CFAP43: variants seen among roughly 807,000 people sequenced by gnomAD.
The protein encoded by CFAP43 is cilia and flagella associated protein 43, also known as cilia- and flagella-associated protein 43.
CFAP43 carries 155 observed loss-of-function variants against 218.9 expected under a neutral mutation model. The ratio of observed to expected loss-of-function variants is 0.71; its 90% CI spans 0.62 to 0.81. The LOEUF (loss-of-function observed/expected upper bound fraction) is 0.81, where lower values mean the gene tolerates loss of function less well. CFAP43 is among the 30% of genes least tolerant of loss of function. CFAP43 has a pLI of 0.00. For synonymous variants in CFAP43, 645 were observed against 681.3 expected, an observed-to-expected ratio of 0.95 and a Z score of 0.83; for missense variants, 1,778 against 1,954.3, an observed-to-expected ratio of 0.91 and a Z score of 1.70.
intron 34 of CFAP43, among the ~76,000 whole-genome samples, chr10:104,136,282 G>GAAA (rs1271704173): frequency 7.7e-6 from 1 of 129,346 alleles, no homozygotes; most frequent in African/African-American, 2.8e-5. Flanking sequence ...AAAAAAAGAA[G>GAAA]AAAAGAAAAG....
At chr10:104,178,124 T>C (rs2089695575) in intron 19 of CFAP43, among the ~76,000 whole-genome samples, 1 of 151,698 alleles carries the variant, frequency 6.6e-6, no homozygotes, top group South Asian at 2.1e-4. Context: ...ACAAAGAAAA[T>C]CACGTGGGAC....
At chr10:104,168,243 T>C (rs17116616) in intron 21 of CFAP43, among the ~76,000 whole-genome samples, 21,080 of 152,106 alleles carry the variant, frequency 0.14, 1,806 homozygotes, top group African/African-American at 0.24. Flanking sequence ...TTGTCCACAT[T>C]GGGAGCATAT....
At position 104,162,317 on chromosome 10, in the gene CFAP43, C is replaced by T. The variant is rs775766672; in HGVS notation, c.3333G>A (p.Gln1111=). 1.9e-6 allele frequency: 3 copies of T among 1,613,610 alleles called. No homozygotes were observed. The highest frequency in any genetic ancestry group is 1.1e-5 in the South Asian group (1 of 91,060). The change falls in exon 25 of 38, where the codon CAG becomes CAA. Residue 1111 remains glutamine (Q), a splice_region_variant and synonymous_variant. Transcript: ENST00000357060. ...ACCTGTGTTAAGCAAAGCTACATGC[C>T]TGTATCAGAAGCCAGTGCTCCTTTT... ...NHEKEHWLLI[Q]DASTRLRALM...
intron 15 of CFAP43, 125 bp from the exon 16 acceptor site, chr10:104,185,271 T>C (rs1438312298): frequency 1.5e-6 from 2 of 1,297,872 alleles, no homozygotes; most frequent in African/African-American, 3.0e-5. Context: ...GCATTTTAAT[T>C]GGTATGGAAG....
At chr10:104,198,066 A>C (rs1225055513) in intron 8 of CFAP43, 28 bp from the exon 9 acceptor site, 4 of 1,346,900 alleles carry the variant, frequency 3.0e-6, no homozygotes, top group Non-Finnish European at 4.2e-6. Context: ...GAAAAGAAAC[A>C]CATTGTAATT....
chr10:104,192,126 A>G (rs1381079355), intron 12 of CFAP43, 73 bp downstream of exon 12: 2 of 1,174,346 alleles, frequency 1.7e-6, no homozygotes, highest in Non-Finnish European at 2.4e-6. Context: ...TTCAATATGA[A>G]AAGTCCATTT....
At chr10:104,196,709 A>G in intron 10 of CFAP43, 144 bp downstream of exon 10, 1 of 611,322 alleles carries the variant, frequency 1.6e-6, no homozygotes, top group Non-Finnish European at 2.8e-6. Flanking sequence ...TTTACACACA[A>G]GGATTACTGT....
At chr10:104,158,524 G>T (rs1241952372) in intron 27 of CFAP43, among the ~76,000 whole-genome samples, 1 of 151,984 alleles carries the variant, frequency 6.6e-6, no homozygotes, top group Non-Finnish European at 1.5e-5. Flanking sequence ...AATAAGCCTC[G>T]ATTTTTAAAA....
chr10:104,179,116 A>G lies in CFAP43; in HGVS notation c.2383-10T>C. ...CCTCCTTTTTGATGGCCTGAAACAG[A>G]ACAAGTATATCACTTAACAAAGCAA... On this transcript the variant is annotated splice_polypyrimidine_tract_variant and intron_variant, in intron 18 of 37. Coordinates refer to ENST00000357060, the MANE Select transcript of CFAP43 (RefSeq NM_025145.7). The G allele has an allele frequency of 6.2e-7, 1 of 1,605,814 alleles. No individual in the cohort carries two copies. The highest frequency in any genetic ancestry group is 8.5e-7 in the Non-Finnish European group (1 of 1,173,332).
intron 26 of CFAP43, 147 bp from the exon 27 acceptor site, chr10:104,161,309 G>C (rs1474945754): frequency 2.3e-6 from 2 of 852,042 alleles, no homozygotes; most frequent in African/African-American, 3.4e-5. Flanking sequence ...TTGGGCAAAA[G>C]ATATTTTAAA....
chr10:104,135,056 A>G (rs1353641041), intron 34 of CFAP43, among the ~76,000 whole-genome samples: 2 of 152,186 alleles, frequency 1.3e-5, no homozygotes, highest in East Asian at 1.9e-4. Flanking sequence ...TTATCCTAAG[A>G]TTGCAAGAGT....
intron 12 of CFAP43, among the ~76,000 whole-genome samples, chr10:104,189,931 G>T (rs696212): frequency 0.41 from 62,983 of 151,886 alleles, 13,934 homozygotes; most frequent in African/African-American, 0.59. Flanking sequence ...ACTTTGGGAG[G>T]CCAAGGCGGG....
intron 34 of CFAP43, among the ~76,000 whole-genome samples, chr10:104,139,403 A>G (rs1165831709): frequency 6.6e-6 from 1 of 152,210 alleles, no homozygotes; most frequent in African/African-American, 2.4e-5. Flanking sequence ...TCACGCACAC[A>G]TGTGCATACC....
At chr10:104,194,910 T>A (rs1403004723) in intron 10 of CFAP43, among the ~76,000 whole-genome samples, 3 of 152,240 alleles carry the variant, frequency 2.0e-5, no homozygotes, top group Non-Finnish European at 1.5e-5. Context: ...TCCTGCCTTA[T>A]TAGAATGCAC....
At chr10:104,151,232 C>T (rs1041924374) in intron 28 of CFAP43, among the ~76,000 whole-genome samples, 2 of 152,098 alleles carry the variant, frequency 1.3e-5, no homozygotes, top group African/African-American at 4.8e-5. Context: ...TATAATAGAA[C>T]AATTTATATT....
intron 27 of CFAP43, among the ~76,000 whole-genome samples, chr10:104,155,227 G>T (rs964381593): frequency 6.6e-6 from 1 of 152,128 alleles, no homozygotes; most frequent in Non-Finnish European, 1.5e-5. Flanking sequence ...GAGGGTAGTG[G>T]TGTAAACTTG....
At chr10:104,149,965 C>G (rs1022002772) in intron 28 of CFAP43, among the ~76,000 whole-genome samples, 6 of 152,136 alleles carry the variant, frequency 3.9e-5, no homozygotes, top group Non-Finnish European at 1.5e-5. Context: ...CCCACAAAAG[C>G]AACGACTTTC....
chr10:104,219,869 GTTCT>G (rs1335265024), intron 3 of CFAP43, among the ~76,000 whole-genome samples: 1 of 152,138 alleles, frequency 6.6e-6, no homozygotes, highest in African/African-American at 2.4e-5. Context: ...TGCCTAGGAT[GTTCT>G]TTCTTCTCGT....
chr10:104,219,066 C>A (rs2091105047), intron 3 of CFAP43, among the ~76,000 whole-genome samples: 2 of 152,084 alleles, frequency 1.3e-5, no homozygotes, highest in Admixed American at 1.3e-4. Context: ...TCCGTTTGTT[C>A]ATCTCAAGCA....
Sources: gnomAD v4.1 joint callset for allele counts (sites outside exome capture counted in the v4.1 genomes callset) on GRCh38, gnomAD v4.1.1 for gene constraint, MANE v1.5 for transcripts, NCBI Gene and HGNC (gene_info 2026-07-23, HGNC 2026-07-21) for gene names.